DRC1: variants seen among roughly 807,000 people sequenced by gnomAD.
DRC1 encodes dynein regulatory complex protein 1.
A neutral mutation model predicts 98.7 loss-of-function variants in DRC1; 74 were observed. The observed-to-expected ratio is 0.75, with a 90% CI of 0.62 to 0.91. The LOEUF (loss-of-function observed/expected upper bound fraction) is 0.91. DRC1 is among the 40% of genes least tolerant of loss of function. The probability of loss-of-function intolerance (pLI) is 0.00; values close to 1 mark genes in which losing one functional copy is unlikely to be tolerated. For missense variants in DRC1, 875 were observed against 886.0 expected, an observed-to-expected ratio of 0.99 and a Z score of 0.16; for synonymous variants, 336 against 334.1, an observed-to-expected ratio of 1.01 and a Z score of -0.06.
chr2:26,450,539 G>A (rs1192532336), intron 12 of DRC1, 53 bp from the exon 13 acceptor site: 14 of 1,542,928 alleles, frequency 9.1e-6, no homozygotes, highest in South Asian at 7.1e-5. Flanking sequence ...AGCTGCCCAA[G>A]CCCGTGGCCT....
At chr2:26,411,362 A>C (rs1393563775) in intron 1 of DRC1, among the ~76,000 whole-genome samples, 1 of 152,224 alleles carries the variant, frequency 6.6e-6, no homozygotes, top group Non-Finnish European at 1.5e-5. Flanking sequence ...TGTAAATCAT[A>C]CTGATGAGAT....
intron 1 of DRC1, among the ~76,000 whole-genome samples, chr2:26,409,143 G>A (rs149534210): frequency 6.6e-6 from 1 of 151,830 alleles, no homozygotes; most frequent in Non-Finnish European, 1.5e-5. Context: ...TGTTGCCCAG[G>A]CTAGTCTTAA....
chr2:26,402,230 G>T (rs1355783055), intron 1 of DRC1, 86 bp downstream of exon 1: 10 of 1,458,274 alleles, frequency 6.9e-6, no homozygotes, highest in Admixed American at 2.6e-5. Flanking sequence ...ACATTTCTTC[G>T]GGAAGGTTCA....
At chr2:26,444,664 C>T (rs1663804675) in intron 9 of DRC1, 52 bp from the exon 10 acceptor site, 3 of 1,548,676 alleles carry the variant, frequency 1.9e-6, no homozygotes, top group African/African-American at 1.4e-5. Context: ...TTGAGGGGAC[C>T]CTGGCCAGGT....
In DRC1 at chr2:26,423,831, G is replaced by T. The variant is rs570209183; in HGVS notation, c.357-440G>T. ...TTCATCCACGCCATTTTACAGAAGA[G>T]AAAAGTGAGGCTTGAGGGAGTTATG... On this transcript the variant is annotated intron_variant, in intron 3 of 16. Transcript: ENST00000288710. 2.0e-5 allele frequency among the ~76,000 whole-genome samples: 3 copies of T among 152,338 alleles called. No homozygotes were observed. The South Asian group carries it at 6.2e-4, about 32-fold the overall frequency.
chr2:26,431,399 C>T (rs533051021), intron 6 of DRC1, among the ~76,000 whole-genome samples: 16 of 152,246 alleles, frequency 1.1e-4, no homozygotes, highest in African/African-American at 3.4e-4. Flanking sequence ...CTGTGTTTTC[C>T]GTGGGCCCGT....
intron 1 of DRC1, among the ~76,000 whole-genome samples, chr2:26,413,949 G>A (rs867217569): frequency 5.3e-5 from 8 of 151,696 alleles, no homozygotes; most frequent in African/African-American, 1.7e-4. Flanking sequence ...TAGAGATAGT[G>A]TCTCTCTATG....
chr2:26,407,556 C>T (rs1313893690), intron 1 of DRC1, among the ~76,000 whole-genome samples: 1 of 152,160 alleles, frequency 6.6e-6, no homozygotes, highest in African/African-American at 2.4e-5. Flanking sequence ...CTTCCTGCTA[C>T]CCCCGTCCCT....
At chr2:26,414,514 A>C (rs1245040855) in intron 2 of DRC1, 83 bp downstream of exon 2, 1 of 1,304,704 alleles carries the variant, frequency 7.7e-7, no homozygotes, top group African/African-American at 1.5e-5. Flanking sequence ...ACTGGAAGAA[A>C]TCATGTGGTC....
intron 3 of DRC1, among the ~76,000 whole-genome samples, chr2:26,422,213 G>A (rs769366760): frequency 5.3e-5 from 8 of 152,198 alleles, no homozygotes; most frequent in Non-Finnish European, 1.2e-4. Flanking sequence ...ATGTGCTTGG[G>A]AATGGCATGA....
Position 26,444,272 on chromosome 2 carries a change from A to G in DRC1, c.1079A>G (p.Lys360Arg), listed in dbSNP as rs916455994. ...NLRSKYAKQI[K>R]QFQEENQSLT... Reference sequence around the variant, plus strand: ...AGATCAAAATATGCCAAGCAAATAAAGCAGTTTCAGGAGGAGAACCAGTCT... The same window carrying G: ...AGATCAAAATATGCCAAGCAAATAAGGCAGTTTCAGGAGGAGAACCAGTCT... The change falls in exon 9 of 17, where the codon AAG becomes AGG. Residue 360 changes from lysine to arginine, a missense_variant. Physicochemically the swap from Lys to Arg is conservative, Grantham distance 26. Coordinates refer to ENST00000288710, the MANE Select transcript of DRC1 (RefSeq NM_145038.5). The G allele has an allele frequency of 1.9e-6, 3 of 1,614,112 alleles. No homozygotes were observed. In the African/African-American group the frequency reaches 4.0e-5, roughly 22 times the overall value.
chr2:26,406,461 C>G (rs909911295), intron 1 of DRC1, among the ~76,000 whole-genome samples: 1 of 152,132 alleles, frequency 6.6e-6, no homozygotes, highest in Non-Finnish European at 1.5e-5. Flanking sequence ...ATAATCCTAG[C>G]AGTTTGGGAG....
At chr2:26,443,700 G>A (rs1387262796) in intron 8 of DRC1, among the ~76,000 whole-genome samples, 2 of 152,222 alleles carry the variant, frequency 1.3e-5, no homozygotes, top group South Asian at 2.1e-4. Context: ...ATACGTGGAT[G>A]AGTGAATAAA....
intron 10 of DRC1, among the ~76,000 whole-genome samples, chr2:26,447,300 C>G (rs1191508594): frequency 6.6e-6 from 1 of 151,550 alleles, no homozygotes; most frequent in Non-Finnish European, 1.5e-5. Context: ...GTAATTCCAG[C>G]TACTCAGGAG....
intron 5 of DRC1, chr2:26,430,545 G>A (rs745960909): frequency 2.4e-5 from 14 of 586,234 alleles, no homozygotes; most frequent in South Asian, 2.0e-4. Context: ...TATTGACTAA[G>A]CCACGGGACT....
chr2:26,435,585 C>G (rs1311571645), intron 7 of DRC1, among the ~76,000 whole-genome samples: 1 of 152,124 alleles, frequency 6.6e-6, no homozygotes, highest in Non-Finnish European at 1.5e-5. Context: ...ACTCCACCCT[C>G]AAGTGGGCCC....
At chr2:26,418,976 C>A (rs143766168) in intron 2 of DRC1, among the ~76,000 whole-genome samples, 1 of 149,660 alleles carries the variant, frequency 6.7e-6, no homozygotes. Flanking sequence ...GCAACCTCCA[C>A]CTCCTGGGTT....
At chr2:26,417,405 T>C (rs1332526775) in intron 2 of DRC1, among the ~76,000 whole-genome samples, 1 of 151,894 alleles carries the variant, frequency 6.6e-6, no homozygotes, top group East Asian at 1.9e-4. Flanking sequence ...CTTGGCTCAC[T>C]GCAACCGCCG....
chr2:26,443,427 G>A (rs758749572), intron 8 of DRC1, among the ~76,000 whole-genome samples: 1 of 152,134 alleles, frequency 6.6e-6, no homozygotes, highest in Non-Finnish European at 1.5e-5. Flanking sequence ...TATTGGACAG[G>A]TTTTAACTGC....
Sources: allele counts gnomAD v4.1 joint callset (sites outside exome capture counted in the v4.1 genomes callset), GRCh38; gene constraint gnomAD v4.1.1; transcripts MANE v1.5; gene names NCBI Gene and HGNC (gene_info 2026-07-23, HGNC 2026-07-21).